Variants in PPP4R4 observed in about 807,000 individuals in gnomAD.
The protein encoded by PPP4R4 is serine/threonine-protein phosphatase 4 regulatory subunit 4.
Under a neutral mutation model 121.8 loss-of-function variants are expected in PPP4R4, and 70 were observed. That is an observed-to-expected ratio of 0.57 (90% confidence interval 0.47 to 0.70). The LOEUF (loss-of-function observed/expected upper bound fraction) is 0.70, where lower values mean the gene tolerates loss of function less well. Ranked by LOEUF, PPP4R4 falls within the 30% of genes least tolerant of loss-of-function variation. PPP4R4 has a pLI of 0.00. For synonymous variants in PPP4R4, 348 were observed against 355.7 expected (o/e 0.98, Z 0.24); for missense variants, 875 against 1,033.6 (o/e 0.85, Z 2.10).
At position 94,242,472 on chromosome 14, in the gene PPP4R4, A is replaced by AT. The variant is rs547081374; in HGVS notation, c.1266+68dup. 1,300 of 1,474,120 alleles carry AT rather than the reference A, an allele frequency of 8.8e-4. 2 individuals are homozygous for AT. Among genetic ancestry groups the AT allele is most frequent in the Admixed American group, 1.3e-3 (74 of 56,562 alleles). The allele number at this position is 1,474,120 out of a possible 1,614,324, so 91.3% of individuals were successfully genotyped here. A position where few individuals can be genotyped will look rare whatever the true frequency, so the allele number is the denominator to read the frequency against. Reference sequence around the variant, plus strand: ...TAATTCTACCTATGTATACTAGATGATTTTGTGCTTATAGATTATAAGATA... The same window carrying AT: ...TAATTCTACCTATGTATACTAGATGATTTTTGTGCTTATAGATTATAAGATA... On this transcript the variant is annotated intron_variant, in intron 11 of 24. Transcript: ENST00000304338.
At chr14:94,235,817 A>T (rs577309906) in intron 7 of PPP4R4, among the ~76,000 whole-genome samples, 26 of 152,220 alleles carry the variant, frequency 1.7e-4, no homozygotes, top group African/African-American at 6.0e-4. Context: ...AGGGAGTCTT[A>T]CCTAAAAACC....
At chr14:94,175,200 C>A (rs1273105271) in intron 1 of PPP4R4, among the ~76,000 whole-genome samples, 2 of 150,896 alleles carry the variant, frequency 1.3e-5, no homozygotes, top group Non-Finnish European at 3.0e-5. Context: ...GGTCCTTCTG[C>A]CCTCGAGGTA....
At chr14:94,190,565 C>A (rs973193664) in intron 2 of PPP4R4, among the ~76,000 whole-genome samples, 12 of 152,076 alleles carry the variant, frequency 7.9e-5, no homozygotes, top group Non-Finnish European at 1.6e-4. Context: ...TGTGTCATTG[C>A]ACTTAAGCCT....
intron 23 of PPP4R4, among the ~76,000 whole-genome samples, chr14:94,274,247 C>T (rs1346600636): frequency 6.6e-6 from 1 of 151,796 alleles, no homozygotes; most frequent in African/African-American, 2.4e-5. Context: ...TTGGAATACA[C>T]AAAGATTTAT....
At position 94,267,042 on chromosome 14, in the gene PPP4R4, C is replaced by CT; in HGVS notation, c.2449+14dup. 1.3e-6 allele frequency: 2 copies of CT among 1,548,822 alleles called. No homozygotes were observed. The highest frequency in any genetic ancestry group is 1.8e-6 in the Non-Finnish European group (2 of 1,132,234). On this transcript the variant is annotated intron_variant, in intron 23 of 24. Transcript: ENST00000304338. ...CTTTCACTAGCTGGTAAGTAGCAATCTAAGTTCTTCAAAAAGTTGCTAAAT... is the reference window on the plus strand; with the variant it reads ...CTTTCACTAGCTGGTAAGTAGCAATCTTAAGTTCTTCAAAAAGTTGCTAAAT...
intron 2 of PPP4R4, among the ~76,000 whole-genome samples, chr14:94,181,530 A>G (rs998320229): frequency 2.6e-5 from 4 of 152,226 alleles, no homozygotes; most frequent in Admixed American, 2.6e-4. Flanking sequence ...ATGTGAAGTC[A>G]TGATCTTTTC....
intron 3 of PPP4R4, among the ~76,000 whole-genome samples, chr14:94,211,836 A>G (rs1890760225): frequency 6.6e-6 from 1 of 152,166 alleles, no homozygotes; most frequent in Non-Finnish European, 1.5e-5. Flanking sequence ...GAATTTCGTA[A>G]CAGATTGGGT....
At chr14:94,210,313 CAA>C (rs1407678921) in intron 3 of PPP4R4, among the ~76,000 whole-genome samples, 2 of 150,196 alleles carry the variant, frequency 1.3e-5, no homozygotes, top group Non-Finnish European at 3.0e-5. Flanking sequence ...TACAAAGAAT[CAA>C]AGTGTATAAA....
chr14:94,242,349 T>C lies in PPP4R4; in HGVS notation c.1207T>C (p.Cys403Arg), dbSNP rs1231818103. The change falls in exon 11 of 25, where the codon TGC becomes CGC. Residue 403 changes from cysteine to arginine, a missense_variant. By Grantham distance (180) the Cys-to-Arg change is radical. Coordinates refer to ENST00000304338, the MANE Select transcript of PPP4R4 (RefSeq NM_058237.2). ...FHMELYSTFF[C>R]LCHDPEVPVR... ...CATGGAACTCTATTCTACATTCTTC[T>C]GCCTTTGCCATGACCCTGAAGTACC... is the stretch of plus-strand genomic sequence containing the variant. 1 of 1,609,534 alleles carries C rather than the reference T, an allele frequency of 6.2e-7. No homozygotes were observed.
chr14:94,269,045 T>C (rs1894186543), intron 23 of PPP4R4, among the ~76,000 whole-genome samples: 2 of 152,232 alleles, frequency 1.3e-5, no homozygotes, highest in Non-Finnish European at 2.9e-5. Context: ...GTGCTTATTA[T>C]TGTTATTCAT....
intron 20 of PPP4R4, 133 bp downstream of exon 20, chr14:94,265,080 T>C (rs924292456): frequency 2.4e-6 from 2 of 847,364 alleles, no homozygotes; most frequent in Non-Finnish European, 3.6e-6. Flanking sequence ...TGAAAAGTCG[T>C]TTTTGAAAAT....
At chr14:94,175,087 C>T (rs934177229) in intron 1 of PPP4R4, among the ~76,000 whole-genome samples, 1 of 151,810 alleles carries the variant, frequency 6.6e-6, no homozygotes, top group Non-Finnish European at 1.5e-5. Flanking sequence ...GGCCCCAGGC[C>T]CACCCATCGG....
chr14:94,216,837 AG>A lies in PPP4R4; in HGVS notation c.294+8272del, dbSNP rs564194532. Reference sequence around the variant, plus strand: ...CCCTCACTCCTCCAGGACCATGCAAAGATCACTTACTTCTGGGAGAAAGGTG... The same window carrying A: ...CCCTCACTCCTCCAGGACCATGCAAAATCACTTACTTCTGGGAGAAAGGTG... On this transcript the variant is annotated intron_variant, in intron 3 of 24. Coordinates refer to ENST00000304338, the MANE Select transcript of PPP4R4 (RefSeq NM_058237.2). Among the ~76,000 whole-genome samples the A allele has an allele frequency of 1.1e-3, 167 of 152,246 alleles. 3 individuals are homozygous for A. The highest frequency in any genetic ancestry group is 3.9e-3 in the African/African-American group (160 of 41,532).
At chr14:94,257,182 G>A (rs899472599) in intron 17 of PPP4R4, among the ~76,000 whole-genome samples, 1 of 151,928 alleles carries the variant, frequency 6.6e-6, no homozygotes, top group Non-Finnish European at 1.5e-5. Flanking sequence ...GTTTGTTTTA[G>A]CATGAGATCT....
intron 2 of PPP4R4, among the ~76,000 whole-genome samples, chr14:94,187,428 T>A (rs1013599072): frequency 2.0e-5 from 3 of 152,354 alleles, no homozygotes; most frequent in Admixed American, 6.5e-5. Context: ...ATTAATTTTT[T>A]AAATTTCAGA....
chr14:94,197,023 A>G (rs1889909625), intron 2 of PPP4R4, among the ~76,000 whole-genome samples: 1 of 151,928 alleles, frequency 6.6e-6, no homozygotes. Flanking sequence ...AGCTTTTCTA[A>G]TTTCAGGGCT....
chr14:94,230,486 T>G, intron 3 of PPP4R4, 101 bp from the exon 4 acceptor site: 3 of 1,088,190 alleles, frequency 2.8e-6, no homozygotes, highest in Non-Finnish European at 3.9e-6. Context: ...GTCTTAATTT[T>G]GTGGAATATG....
chr14:94,177,414 T>A (rs1888739539), intron 2 of PPP4R4, among the ~76,000 whole-genome samples: 1 of 152,262 alleles, frequency 6.6e-6, no homozygotes, highest in Non-Finnish European at 1.5e-5. Flanking sequence ...CATATTGTGT[T>A]ATATTTGGAA....
At chr14:94,181,936 A>G (rs772107949) in intron 2 of PPP4R4, among the ~76,000 whole-genome samples, 2 of 152,226 alleles carry the variant, frequency 1.3e-5, no homozygotes, top group African/African-American at 2.4e-5. Flanking sequence ...TTACAACTCA[A>G]TTAGTGAGAG....
Sources: allele counts gnomAD v4.1 joint callset (sites outside exome capture counted in the v4.1 genomes callset), GRCh38; gene constraint gnomAD v4.1.1; transcripts MANE v1.5; gene names NCBI Gene and HGNC (gene_info 2026-07-23, HGNC 2026-07-21).